Variants in PAQR6 observed in about 807,000 individuals in gnomAD.
PAQR6 encodes the protein progestin and adipoQ receptor family member 6, also known as membrane progestin receptor delta.
In PAQR6, 34 loss-of-function variants were observed where a neutral mutation model predicts 36.2. That is an observed-to-expected ratio of 0.94 (90% confidence interval 0.71 to 1.25). The LOEUF (loss-of-function observed/expected upper bound fraction) is 1.25, where lower values mean the gene tolerates loss of function less well. PAQR6 is among the 50% of genes most tolerant of loss of function. PAQR6 has a pLI of 0.00. For missense variants in PAQR6, 431 were observed against 445.7 expected (o/e 0.97, Z 0.30); for synonymous variants, 190 against 190.7 (o/e 1.00, Z 0.03).
Position 156,243,488 on chromosome 1 carries a change from C to CT in PAQR6, c.*640dup. On this transcript the variant is annotated 3_prime_UTR_variant, in exon 8 of 8. Transcript: ENST00000292291. ...AACGTTGAAGGTGGCTTCCCAAAGTCTAACTAGGGATACCCCCTCTAGCCT... is the reference window on the plus strand; with the variant it reads ...AACGTTGAAGGTGGCTTCCCAAAGTCTTAACTAGGGATACCCCCTCTAGCCT... The CT allele has an allele frequency of 2.1e-6, 1 of 479,032 alleles. No individual in the cohort carries two copies. Among genetic ancestry groups the CT allele is most frequent in the African/African-American group, 1.9e-5 (1 of 52,060 alleles). 29.7% of individuals were successfully genotyped at this position (479,032 alleles called of 1,614,324 possible).
In PAQR6 at chr1:156,244,150, A is replaced by G; in HGVS notation, c.1014T>C (p.Gly338=). The G allele has an allele frequency of 6.2e-7, 1 of 1,604,080 alleles. No homozygotes were observed. The highest frequency in any genetic ancestry group is 2.2e-5 in the East Asian group (1 of 44,616). Residue 338 remains glycine, a synonymous_variant, in exon 8 of 8, where the codon GGT becomes GGC. Transcript: ENST00000292291. The stretch of plus-strand genomic sequence containing the variant: ...GGCCTCACTGTTGTTTGGCCTGGGT[A>G]CCCCCCTCCAGTGGGCCACCCTGCA... The part of the protein sequence containing the change: ...PLLQGGPLEG[G]TQAKQQ
At position 156,245,776 on chromosome 1, in the gene PAQR6, G is replaced by A; in HGVS notation, c.385+6C>T. 2 of 1,586,902 alleles carry A rather than the reference G, an allele frequency of 1.3e-6. No homozygotes were observed. Among genetic ancestry groups the A allele is most frequent in the South Asian group, 1.1e-5 (1 of 88,250 alleles). On this transcript the variant is annotated splice_donor_region_variant and intron_variant, in intron 4 of 7. Coordinates refer to ENST00000292291, the MANE Select transcript of PAQR6 (RefSeq NM_198406.3). ...GACCCCGCGCTCCCGCGCCTGTCCG[G>A]CTCACCCAGACTGTAGAGGCTGAGC...
chr1:156,247,066 C>T (rs1175045641), intron 1 of PAQR6, among the ~76,000 whole-genome samples: 1 of 152,176 alleles, frequency 6.6e-6, no homozygotes, highest in African/African-American at 2.4e-5. Context: ...GCCCCGCAGG[C>T]CCCAGTTTTT....
chr1:156,244,080 A>G lies in PAQR6; in HGVS notation c.*49T>C. 6.2e-7 allele frequency: 1 copy of G among 1,612,790 alleles called. No individual in the cohort carries two copies. Among genetic ancestry groups the G allele is most frequent in the Non-Finnish European group, 8.5e-7 (1 of 1,179,054 alleles). On this transcript the variant is annotated 3_prime_UTR_variant, in exon 8 of 8. Transcript: ENST00000292291. ...GCCCAAATCTGGGCTCCTCGTCAGC[A>G]CTGGGGCCTGGCCTCTGCCCCCTCC...
intron 2 of PAQR6, 139 bp downstream of exon 2, chr1:156,246,542 A>T (rs568742019): frequency 1.1e-4 from 117 of 1,031,758 alleles, no homozygotes; most frequent in Non-Finnish European, 1.6e-4. Context: ...AGAACAGAGG[A>T]AGAGTCTCAC....
chr1:156,245,099 A>T, intron 6 of PAQR6, 43 bp downstream of exon 6: 1 of 1,605,566 alleles, frequency 6.2e-7, no homozygotes, highest in South Asian at 1.1e-5. Context: ...GAGGGTCAGG[A>T]CAGGAAAGCA....
At chr1:156,245,454 G>C in intron 5 of PAQR6, 81 bp downstream of exon 5, 1 of 1,572,970 alleles carries the variant, frequency 6.4e-7, no homozygotes, top group Non-Finnish European at 8.7e-7. Flanking sequence ...GATGCCTCCA[G>C]TGCTGTTCGA....
At chr1:156,244,943 G>C (rs1041425009) in intron 6 of PAQR6, 32 bp from the exon 7 acceptor site, 2 of 1,604,122 alleles carry the variant, frequency 1.2e-6, no homozygotes, top group South Asian at 1.1e-5. Context: ...TGCTGGGGAG[G>C]GACTCGGGAG....
rs940145156 is a variant in PAQR6, at chr1:156,244,151, C to A, written c.1013G>T (p.Gly338Val). Reference sequence around the variant, plus strand: ...GCCTCACTGTTGTTTGGCCTGGGTACCCCCCTCCAGTGGGCCACCCTGCAG... The same window carrying A: ...GCCTCACTGTTGTTTGGCCTGGGTAACCCCCTCCAGTGGGCCACCCTGCAG... ...PLLQGGPLEG[G>V]TQAKQQ is the part of the protein sequence containing the mutation. The change falls in exon 8 of 8, where the codon GGT (glycine) becomes GTT (valine). Residue 338 changes from glycine (G) to valine (V), a missense_variant. Transcript: ENST00000292291. The A allele has an allele frequency of 8.7e-6, 14 of 1,603,274 alleles. No individual in the cohort carries two copies. In the African/African-American group the frequency reaches 1.3e-4, roughly 15 times the overall value.
At chr1:156,246,973 C>G (rs1558220462) in intron 1 of PAQR6, among the ~76,000 whole-genome samples, 1 of 152,146 alleles carries the variant, frequency 6.6e-6, no homozygotes, top group Non-Finnish European at 1.5e-5. Context: ...ATTCAGTCCC[C>G]ACACTGAGGG....
Position 156,243,885 on chromosome 1 carries a change from C to G in PAQR6, c.*244G>C. On this transcript the variant is annotated 3_prime_UTR_variant, in exon 8 of 8. Coordinates refer to ENST00000292291, the MANE Select transcript of PAQR6 (RefSeq NM_198406.3). ...TTCAGCCTGGACACGCATGCATCTC[C>G]CCTCTCAGACCCTCAGCACTTCTTC... 1.2e-6 allele frequency: 2 copies of G among 1,606,890 alleles called. No homozygotes were observed. Among genetic ancestry groups the G allele is most frequent in the Non-Finnish European group, 8.5e-7 (1 of 1,174,504 alleles).
chr1:156,244,774 G>T lies in PAQR6; in HGVS notation c.747C>A (p.Arg249=), dbSNP rs1296822229. Residue 249 remains arginine, a synonymous_variant, in exon 7 of 8, where the codon CGC becomes CGA. Transcript: ENST00000292291. ...SHLPERLAPG[R]FDYIGHSHQL... ...GCGTGCCCTCACCGATGTAATCAAA[G>T]CGTCCTGGTGCCAGCCTTTCAGGCA... The T allele has an allele frequency of 6.2e-7, 1 of 1,613,782 alleles. No individual in the cohort carries two copies. Among genetic ancestry groups the T allele is most frequent in the South Asian group, 1.1e-5 (1 of 91,090 alleles).
In PAQR6 at chr1:156,244,746, C is replaced by T; in HGVS notation, c.760+15G>A. The T allele has an allele frequency of 6.2e-7, 1 of 1,613,804 alleles. No homozygotes were observed. On this transcript the variant is annotated intron_variant, in intron 7 of 7. Transcript: ENST00000292291. ...GCCCCTGCCTCTTCCCGGGCCGGGCCAGGCGTGCCCTCACCGATGTAATCA... is the reference window on the plus strand; with the variant it reads ...GCCCCTGCCTCTTCCCGGGCCGGGCTAGGCGTGCCCTCACCGATGTAATCA...
In PAQR6 at chr1:156,244,780, T is replaced by C. The variant is rs765451092; in HGVS notation, c.741A>G (p.Pro247=). 41 of 1,613,760 alleles carry C rather than the reference T, an allele frequency of 2.5e-5. No individual in the cohort carries two copies. Among genetic ancestry groups the C allele is most frequent in the Non-Finnish European group, 3.5e-5 (41 of 1,180,036 alleles). ...FASHLPERLA[P]GRFDYIGHSH... Reference sequence around the variant, plus strand: ...CCTCACCGATGTAATCAAAGCGTCCTGGTGCCAGCCTTTCAGGCAGGTGGG... The same window carrying C: ...CCTCACCGATGTAATCAAAGCGTCCCGGTGCCAGCCTTTCAGGCAGGTGGG... Residue 247 remains proline (P), a synonymous_variant, in exon 7 of 8, where the codon CCA becomes CCG. Transcript: ENST00000292291.
Position 156,243,713 on chromosome 1 carries a change from A to T in PAQR6, c.*416T>A. On this transcript the variant is annotated 3_prime_UTR_variant, in exon 8 of 8. Coordinates refer to ENST00000292291, the MANE Select transcript of PAQR6 (RefSeq NM_198406.3). ...AAGTGTGTGGCCTCTCGGCCTGGTT[A>T]GCAAGAAGCATTCAGGGTAGGCCTA... is the stretch of plus-strand genomic sequence containing the variant. 1 of 1,024,192 alleles carries T rather than the reference A, an allele frequency of 9.8e-7. No homozygotes were observed. Among genetic ancestry groups the T allele is most frequent in the Non-Finnish European group, 1.4e-6 (1 of 713,320 alleles). The allele number at this position is 1,024,192 out of a possible 1,614,324, so 63.4% of individuals were successfully genotyped here.
At position 156,248,010 on chromosome 1, in the gene PAQR6, CG is replaced by C. The variant is rs1660935747; in HGVS notation, c.-80del. 2.2e-6 allele frequency: 1 copy of C among 463,878 alleles called. No individual in the cohort carries two copies. The highest frequency in any genetic ancestry group is 2.0e-5 in the African/African-American group (1 of 49,948). 28.7% of individuals were successfully genotyped at this position (463,878 alleles called of 1,614,324 possible). A position where few individuals can be genotyped will look rare whatever the true frequency, so the allele number is the denominator to read the frequency against. ...GTGGGTCAACAGGCCCAGGGCTCCA[CG>C]GGCGGAGTCCAAGGCTGCTGCCAGC... On this transcript the variant is annotated 5_prime_UTR_variant, in exon 1 of 8. Coordinates refer to ENST00000292291, the MANE Select transcript of PAQR6 (RefSeq NM_198406.3).
chr1:156,243,553 A>G lies in PAQR6; in HGVS notation c.*576T>C. 1 of 476,706 alleles carries G rather than the reference A, an allele frequency of 2.1e-6. No individual in the cohort carries two copies. Among genetic ancestry groups the G allele is most frequent in the Non-Finnish European group, 3.7e-6 (1 of 270,390 alleles). The allele number at this position is 476,706 out of a possible 1,614,324, so 29.5% of individuals were successfully genotyped here. A position where few individuals can be genotyped will look rare whatever the true frequency, so the allele number is the denominator to read the frequency against. On this transcript the variant is annotated 3_prime_UTR_variant, in exon 8 of 8. Coordinates refer to ENST00000292291, the MANE Select transcript of PAQR6 (RefSeq NM_198406.3). ...CACACCTCAATCCACCAAACCATCC[A>G]TAATGCACCCAGATAGGCCCACCCC...
chr1:156,245,721 C>T, intron 4 of PAQR6, 60 bp from the exon 5 acceptor site: 1 of 1,579,192 alleles, frequency 6.3e-7, no homozygotes, highest in Non-Finnish European at 8.6e-7. Flanking sequence ...TGTCCCGCGT[C>T]CCACCCCTCG....
intron 6 of PAQR6, 24 bp downstream of exon 6, chr1:156,245,118 G>C: frequency 6.2e-7 from 1 of 1,608,582 alleles, no homozygotes; most frequent in Non-Finnish European, 8.5e-7. Context: ...CAGGAGTCTG[G>C]GCAGGGGCCC....
Sources: gnomAD v4.1 joint callset for allele counts (sites outside exome capture counted in the v4.1 genomes callset) on GRCh38, gnomAD v4.1.1 for gene constraint, MANE v1.5 for transcripts, NCBI Gene and HGNC (gene_info 2026-07-23, HGNC 2026-07-21) for gene names.